The following KANK1 variants were observed in gnomAD, a reference collection of about 807,000 sequenced individuals.
The protein encoded by KANK1 is KN motif and ankyrin repeat domains 1, also known as KN motif and ankyrin repeat domain-containing protein 1.
Under a neutral mutation model 106.2 loss-of-function variants are expected in KANK1, and 109 were observed. The observed-to-expected ratio is 1.03, with a 90% confidence interval of 0.88 to 1.20. KANK1 has a LOEUF of 1.20. KANK1 is among the 50% of genes most tolerant of loss of function. KANK1 has a pLI of 0.00. For synonymous variants in KANK1, 873 were observed against 652.2 expected (o/e 1.34, Z -5.16); for missense variants, 2,399 against 1,710.7 (o/e 1.40, Z -7.10).
chr9:511,930 A>AT (rs2059044734), intron 1 of KANK1, among the ~76,000 whole-genome samples: 1 of 152,076 alleles, frequency 6.6e-6, no homozygotes, highest in South Asian at 2.1e-4. Context: ...GGGCTGGGTG[A>AT]TTCTGCTGCT....
intron 3 of KANK1, among the ~76,000 whole-genome samples, chr9:726,157 A>G (rs1171594048): frequency 6.6e-6 from 1 of 151,934 alleles, no homozygotes; most frequent in African/African-American, 2.4e-5. Flanking sequence ...CCCATGAGTC[A>G]AACAAAAGAC....
chr9:669,948 G>A (rs954042081), intron 1 of KANK1, among the ~76,000 whole-genome samples: 1 of 151,898 alleles, frequency 6.6e-6, no homozygotes, highest in Non-Finnish European at 1.5e-5. Flanking sequence ...TCTCCTCTAT[G>A]TAATTTCAAA....
chr9:646,657 G>T (rs577588130), intron 1 of KANK1, among the ~76,000 whole-genome samples: 1 of 149,970 alleles, frequency 6.7e-6, no homozygotes, highest in African/African-American at 2.5e-5. Flanking sequence ...ACAGTTTATA[G>T]AGCAGTTCGC....
chr9:545,903 G>A (rs1390947144), intron 1 of KANK1, among the ~76,000 whole-genome samples: 1 of 151,766 alleles, frequency 6.6e-6, no homozygotes, highest in African/African-American at 2.4e-5. Context: ...GCACCACCAT[G>A]CCCGGCTAAT....
At chr9:663,405 C>T (rs978423417) in intron 1 of KANK1, among the ~76,000 whole-genome samples, 4 of 152,132 alleles carry the variant, frequency 2.6e-5, no homozygotes, top group African/African-American at 9.7e-5. Context: ...TCTGTTTTCC[C>T]TAAATCTATT....
chr9:609,479 A>G (rs1830086068), intron 1 of KANK1, among the ~76,000 whole-genome samples: 1 of 152,026 alleles, frequency 6.6e-6, no homozygotes, highest in Non-Finnish European at 1.5e-5. Flanking sequence ...AATACAAAAA[A>G]TTAGCTGGGT....
intron 1 of KANK1, among the ~76,000 whole-genome samples, chr9:550,821 T>C (rs960333971): frequency 3.9e-5 from 6 of 152,306 alleles, no homozygotes; most frequent in East Asian, 3.9e-4. Context: ...CCTATTTCTT[T>C]TTCCATTCTT....
chr9:570,899 G>A lies in KANK1; in HGVS notation c.-84+66145G>A, dbSNP rs527647627. Reference sequence around the variant, plus strand: ...TTTTTGACTTTTTGCTATTATAATGGGCAGTGAATATATTTGTGCTGAAAT... The same window carrying A: ...TTTTTGACTTTTTGCTATTATAATGAGCAGTGAATATATTTGTGCTGAAAT... On this transcript the variant is annotated intron_variant, in intron 1 of 11. Transcript: ENST00000382297. Among the ~76,000 whole-genome samples, 8 of 152,098 alleles carry A rather than the reference G, an allele frequency of 5.3e-5. No individual in the cohort carries two copies. In the South Asian group the frequency reaches 1.7e-3, roughly 32 times the overall value.
At chr9:705,443 G>A (rs368461279) in intron 2 of KANK1, among the ~76,000 whole-genome samples, 9 of 152,052 alleles carry the variant, frequency 5.9e-5, no homozygotes, top group East Asian at 1.9e-4. Flanking sequence ...CCAAGATGGC[G>A]CCACTGCACT....
At chr9:498,004 C>T (rs553089398) in intron 3 of KANK1, among the ~76,000 whole-genome samples, 1 of 152,280 alleles carries the variant, frequency 6.6e-6, no homozygotes, top group South Asian at 2.1e-4. Flanking sequence ...GACTTGCTTC[C>T]TTGCTGCCAT....
At position 666,238 on chromosome 9, in the gene KANK1, A is replaced by C. The variant is rs547262642; in HGVS notation, c.-83-10652A>C. 3.9e-5 allele frequency among the ~76,000 whole-genome samples: 6 copies of C among 151,942 alleles called. 1 individual carries two copies. The highest frequency in any genetic ancestry group is 8.8e-5 in the Non-Finnish European group (6 of 67,966). Reference sequence around the variant, plus strand: ...ACATTCTGTGTAGATACAATAAATTAGATTACTTTCTTTCTTTTTCAGATT... The same window carrying C: ...ACATTCTGTGTAGATACAATAAATTCGATTACTTTCTTTCTTTTTCAGATT... On this transcript the variant is annotated intron_variant, in intron 1 of 11. Transcript: ENST00000382297.
chr9:719,642 G>GCT (rs1295455484), intron 3 of KANK1, among the ~76,000 whole-genome samples: 1 of 152,144 alleles, frequency 6.6e-6, no homozygotes, highest in Non-Finnish European at 1.5e-5. Context: ...GAAACCCATG[G>GCT]CTATATACCA....
At chr9:650,117 C>G (rs1840558824) in intron 1 of KANK1, among the ~76,000 whole-genome samples, 1 of 152,144 alleles carries the variant, frequency 6.6e-6, no homozygotes, top group Non-Finnish European at 1.5e-5. Context: ...GATTACTTTA[C>G]TGTTTTATTA....
chr9:735,558 A>G (rs572291652), intron 7 of KANK1, among the ~76,000 whole-genome samples: 1 of 152,346 alleles, frequency 6.6e-6, no homozygotes, highest in East Asian at 1.9e-4. Flanking sequence ...TTATTAGTGC[A>G]TTGAGAAAAT....
At chr9:567,345 C>G (rs1818054335) in intron 1 of KANK1, among the ~76,000 whole-genome samples, 1 of 152,108 alleles carries the variant, frequency 6.6e-6, no homozygotes, top group Non-Finnish European at 1.5e-5. Flanking sequence ...GAATTCAGGC[C>G]CTTCTCATAA....
chr9:617,401 T>A (rs2136292616), intron 1 of KANK1, among the ~76,000 whole-genome samples: 1 of 152,326 alleles, frequency 6.6e-6, no homozygotes, highest in South Asian at 2.1e-4. Context: ...CTATGTTTTA[T>A]TCCCTTATTT....
intron 3 of KANK1, among the ~76,000 whole-genome samples, chr9:727,406 C>G (rs868515971): frequency 2.6e-5 from 4 of 152,108 alleles, no homozygotes; most frequent in Non-Finnish European, 5.9e-5. Context: ...ACCTCTGCCT[C>G]CCGGGTTCAA....
intron 1 of KANK1, among the ~76,000 whole-genome samples, chr9:546,993 T>G (rs1316496827): frequency 6.6e-6 from 1 of 152,216 alleles, no homozygotes; most frequent in African/African-American, 2.4e-5. Flanking sequence ...CCCAGCATTT[T>G]GGGAACAAAT....
chr9:554,336 G>A (rs1189404253), intron 1 of KANK1, among the ~76,000 whole-genome samples: 3 of 152,152 alleles, frequency 2.0e-5, no homozygotes, highest in African/African-American at 7.2e-5. Flanking sequence ...AGAAGTTCCA[G>A]CTCAAGCAGA....
Sources: allele counts gnomAD v4.1 joint callset (sites outside exome capture counted in the v4.1 genomes callset), GRCh38; gene constraint gnomAD v4.1.1; transcripts MANE v1.5; gene names NCBI Gene and HGNC (gene_info 2026-07-23, HGNC 2026-07-21).